SPPL3: variants seen among roughly 807,000 people sequenced by gnomAD.
SPPL3 encodes the protein signal peptide peptidase like 3.
In SPPL3, 5 loss-of-function variants were observed where a neutral mutation model predicts 42.4. The observed-to-expected ratio is 0.12, with a 90% CI of 0.06 to 0.25. SPPL3 has a LOEUF of 0.25. Ranked by LOEUF, SPPL3 falls within the 10% of genes least tolerant of loss-of-function variation. The pLI is 1.00. For missense variants in SPPL3, 235 were observed against 489.0 expected, an observed-to-expected ratio of 0.48 and a Z score of 4.90; for synonymous variants, 195 against 181.8, an observed-to-expected ratio of 1.07 and a Z score of -0.58.
rs149287523 is a variant in SPPL3, at chr12:120,894,852, C to A, written c.23+8993G>T. Among the ~76,000 whole-genome samples the A allele has an allele frequency of 4.2e-3, 639 of 152,244 alleles. 6 individuals are homozygous for A. The highest frequency in any genetic ancestry group is 0.014 in the African/African-American group (594 of 41,530). On this transcript the variant is annotated intron_variant, in intron 1 of 10. Coordinates refer to ENST00000353487, the MANE Select transcript of SPPL3 (RefSeq NM_139015.5). ...ATACCAGCTACTAGTGGGGCTGAGG[C>A]AGGAGGATCCCTTGAACCCGGGAGG...
chr12:120,795,732 T>C lies in SPPL3; in HGVS notation c.102-4175A>G, dbSNP rs11065268. 8.9e-3 allele frequency among the ~76,000 whole-genome samples: 1,350 copies of C among 152,264 alleles called. 7 individuals are homozygous for C. Among genetic ancestry groups the C allele is most frequent in the Non-Finnish European group, 0.016 (1,055 of 68,016 alleles). Reference sequence around the variant, plus strand: ...TTTTTTGTGCTTATAATCTGCAGTTTTGAATCTGCAGATTATAGTTATCAA... The same window carrying C: ...TTTTTTGTGCTTATAATCTGCAGTTCTGAATCTGCAGATTATAGTTATCAA... On this transcript the variant is annotated intron_variant, in intron 2 of 10. Transcript: ENST00000353487.
At chr12:120,766,242 G>A in intron 10 of SPPL3, 21 bp downstream of exon 10, 1 of 1,547,956 alleles carries the variant, frequency 6.5e-7, no homozygotes. Context: ...GCTTTCACAG[G>A]TTTATAACTG....
chr12:120,767,813 G>GC (rs1868966855), intron 8 of SPPL3, among the ~76,000 whole-genome samples: 1 of 152,206 alleles, frequency 6.6e-6, no homozygotes. Flanking sequence ...TTTCAGGAGA[G>GC]CCCCTTGGAA....
intron 1 of SPPL3, among the ~76,000 whole-genome samples, chr12:120,894,151 C>T (rs1315002318): frequency 6.6e-6 from 1 of 152,044 alleles, no homozygotes; most frequent in South Asian, 2.1e-4. Context: ...ATGGAGAAAC[C>T]CCGTCTCTAC....
At chr12:120,839,129 C>A (rs1255773746) in intron 1 of SPPL3, among the ~76,000 whole-genome samples, 1 of 151,676 alleles carries the variant, frequency 6.6e-6, no homozygotes. Context: ...CAATGATAGA[C>A]TGGATTAAGA....
At chr12:120,791,263 A>G (rs1869906128) in intron 3 of SPPL3, among the ~76,000 whole-genome samples, 2 of 152,210 alleles carry the variant, frequency 1.3e-5, no homozygotes, top group Non-Finnish European at 2.9e-5. Context: ...TTCAAATTCA[A>G]ATCTTTCTAT....
At chr12:120,793,464 CAA>C (rs1277337706) in intron 2 of SPPL3, among the ~76,000 whole-genome samples, 1 of 152,206 alleles carries the variant, frequency 6.6e-6, no homozygotes, top group East Asian at 1.9e-4. Flanking sequence ...GCCTGAGCAA[CAA>C]AGTGAGACAC....
At chr12:120,794,145 T>C (rs1870018982) in intron 2 of SPPL3, among the ~76,000 whole-genome samples, 1 of 152,240 alleles carries the variant, frequency 6.6e-6, no homozygotes, top group African/African-American at 2.4e-5. Flanking sequence ...CATTACAAAA[T>C]AACCTTCTTG....
intron 1 of SPPL3, among the ~76,000 whole-genome samples, chr12:120,846,029 TG>T (rs2137030172): frequency 6.6e-6 from 1 of 152,284 alleles, no homozygotes; most frequent in South Asian, 2.1e-4. Flanking sequence ...CCCAAGTAGC[TG>T]GGACCACAGG....
chr12:120,875,882 T>A (rs796329318), intron 1 of SPPL3, among the ~76,000 whole-genome samples: 2 of 152,148 alleles, frequency 1.3e-5, no homozygotes, highest in African/African-American at 4.8e-5. Context: ...ATACACAGAT[T>A]AAAAAGATAA....
chr12:120,898,246 G>A (rs1236770402), intron 1 of SPPL3, among the ~76,000 whole-genome samples: 3 of 145,046 alleles, frequency 2.1e-5, no homozygotes, highest in African/African-American at 7.7e-5. Flanking sequence ...GGAGGTTGCA[G>A]TGAGTCGAGA....
At chr12:120,837,965 G>A (rs537332615) in intron 1 of SPPL3, among the ~76,000 whole-genome samples, 70 of 152,110 alleles carry the variant, frequency 4.6e-4, no homozygotes, top group Non-Finnish European at 8.1e-4. Flanking sequence ...CCCAGGAGGC[G>A]GAGGTTGCAG....
intron 1 of SPPL3, among the ~76,000 whole-genome samples, chr12:120,886,085 T>G (rs752994940): frequency 5.9e-5 from 9 of 151,542 alleles, no homozygotes; most frequent in Non-Finnish European, 1.0e-4. Context: ...TCAGGTGATC[T>G]GCCTGTCTCA....
chr12:120,766,425 G>A (rs992409702), intron 9 of SPPL3, 53 bp from the exon 10 acceptor site: 3 of 1,442,924 alleles, frequency 2.1e-6, no homozygotes, highest in African/African-American at 2.8e-5. Flanking sequence ...CGTGTCACCT[G>A]GCTGCTGCTG....
intron 1 of SPPL3, among the ~76,000 whole-genome samples, chr12:120,826,654 A>C: frequency 6.6e-6 from 1 of 152,188 alleles, no homozygotes; most frequent in Non-Finnish European, 1.5e-5. Context: ...CCTTAGCAAT[A>C]AGAAGAATAT....
At chr12:120,826,467 T>A (rs1378297106) in intron 1 of SPPL3, among the ~76,000 whole-genome samples, 2 of 151,980 alleles carry the variant, frequency 1.3e-5, no homozygotes, top group Non-Finnish European at 2.9e-5. Context: ...AGGTCACAAC[T>A]TAAGGCAGAA....
At chr12:120,855,259 G>C (rs1439518929) in intron 1 of SPPL3, among the ~76,000 whole-genome samples, 1 of 152,078 alleles carries the variant, frequency 6.6e-6, no homozygotes, top group Non-Finnish European at 1.5e-5. Context: ...AGAAATAATA[G>C]TTTCCTGGCA....
intron 1 of SPPL3, among the ~76,000 whole-genome samples, chr12:120,819,677 T>G (rs1456775291): frequency 6.6e-6 from 1 of 152,182 alleles, no homozygotes; most frequent in Non-Finnish European, 1.5e-5. Context: ...CAATGGTACT[T>G]TGGAATACAG....
chr12:120,899,481 G>A (rs532751894), intron 1 of SPPL3, among the ~76,000 whole-genome samples: 1 of 152,110 alleles, frequency 6.6e-6, no homozygotes, highest in Non-Finnish European at 1.5e-5. Flanking sequence ...AGGCACTATG[G>A]GAGAACCAAG....
Sources: allele counts gnomAD v4.1 joint callset (sites outside exome capture counted in the v4.1 genomes callset), GRCh38; gene constraint gnomAD v4.1.1; transcripts MANE v1.5; gene names NCBI Gene and HGNC (gene_info 2026-07-23, HGNC 2026-07-21).